Variants in TEAD4 observed in about 807,000 individuals in gnomAD.
The protein encoded by TEAD4 is transcriptional enhancer factor TEF-3.
A neutral mutation model predicts 52.4 loss-of-function variants in TEAD4; 36 were observed. The ratio of observed to expected loss-of-function variants is 0.69; its 90% CI spans 0.53 to 0.91. TEAD4 has a LOEUF of 0.91. TEAD4 is among the 40% of genes least tolerant of loss of function. TEAD4 has a pLI of 0.00. For missense variants in TEAD4, 508 were observed against 583.9 expected, an observed-to-expected ratio of 0.87 and a Z score of 1.34; for synonymous variants, 220 against 231.0, an observed-to-expected ratio of 0.95 and a Z score of 0.43.
At chr12:2,987,926 G>A (rs575096953) in intron 2 of TEAD4, among the ~76,000 whole-genome samples, 17 of 151,370 alleles carry the variant, frequency 1.1e-4, no homozygotes, top group Non-Finnish European at 2.2e-4. Context: ...TTAGCCAGGC[G>A]TGATGGTGGC....
intron 3 of TEAD4, among the ~76,000 whole-genome samples, chr12:3,006,127 C>T (rs1004974689): frequency 1.3e-5 from 2 of 152,150 alleles, no homozygotes; most frequent in African/African-American, 4.8e-5. Flanking sequence ...TATATCATAA[C>T]ATCACTTTGT....
chr12:2,966,385 CTG>C (rs2098220235), intron 2 of TEAD4, among the ~76,000 whole-genome samples: 1 of 151,538 alleles, frequency 6.6e-6, no homozygotes, highest in Non-Finnish European at 1.5e-5. Context: ...CCTGTGTGGC[CTG>C]TGTCTTCTGT....
intron 3 of TEAD4, among the ~76,000 whole-genome samples, chr12:2,997,010 G>A (rs1442365051): frequency 1.3e-5 from 2 of 152,186 alleles, no homozygotes; most frequent in Admixed American, 6.5e-5. Flanking sequence ...GCTTACATAA[G>A]GGAAATTTCC....
intron 2 of TEAD4, among the ~76,000 whole-genome samples, chr12:2,993,836 A>G (rs2098245074): frequency 6.6e-6 from 1 of 152,064 alleles, no homozygotes; most frequent in Admixed American, 6.5e-5. Context: ...GTTGTTTTGT[A>G]ACTGGCGTGT....
chr12:2,963,171 C>T (rs2098217291), intron 2 of TEAD4, among the ~76,000 whole-genome samples: 1 of 152,208 alleles, frequency 6.6e-6, no homozygotes, highest in Non-Finnish European at 1.5e-5. Flanking sequence ...TGAAGGTTCT[C>T]CCTATCTTTT....
chr12:3,032,708 C>T (rs757285102), intron 10 of TEAD4, among the ~76,000 whole-genome samples: 5 of 152,160 alleles, frequency 3.3e-5, no homozygotes, highest in Non-Finnish European at 5.9e-5. Context: ...TGCCTGAGCC[C>T]TCTGAGTGCC....
chr12:3,039,560 T>C (rs7139125), intron 11 of TEAD4, among the ~76,000 whole-genome samples: 92,639 of 152,034 alleles, frequency 0.61, 31,357 homozygotes, highest in East Asian at 0.94. Flanking sequence ...TCATGTACAG[T>C]CAGGATTGAG....
chr12:3,017,732 C>T (rs1289505803), intron 6 of TEAD4, among the ~76,000 whole-genome samples: 2 of 152,170 alleles, frequency 1.3e-5, no homozygotes, highest in Non-Finnish European at 2.9e-5. Flanking sequence ...TTGGGGTCCT[C>T]GGCAATGACT....
intron 2 of TEAD4, among the ~76,000 whole-genome samples, chr12:2,970,038 C>T (rs1396573231): frequency 2.0e-5 from 3 of 152,028 alleles, no homozygotes; most frequent in African/African-American, 7.3e-5. Flanking sequence ...CCAGCCTGGG[C>T]AACATAGCGA....
At chr12:3,030,018 G>A (rs988248863) in intron 10 of TEAD4, among the ~76,000 whole-genome samples, 4 of 152,066 alleles carry the variant, frequency 2.6e-5, no homozygotes, top group Non-Finnish European at 4.4e-5. Flanking sequence ...ATAAAGGGTC[G>A]GGGGTAGGGG....
At chr12:3,006,842 A>G (rs2098256315) in intron 3 of TEAD4, among the ~76,000 whole-genome samples, 1 of 151,892 alleles carries the variant, frequency 6.6e-6, no homozygotes, top group African/African-American at 2.4e-5. Context: ...CCTGGCCAAC[A>G]TGGTAAAACC....
chr12:3,009,344 C>T lies in TEAD4; in HGVS notation c.227-1660C>T, dbSNP rs545009805. Among the ~76,000 whole-genome samples, 6 of 152,328 alleles carry T rather than the reference C, an allele frequency of 3.9e-5. No individual in the cohort carries two copies. In the East Asian group the frequency reaches 5.8e-4, roughly 15 times the overall value. Reference sequence around the variant, plus strand: ...ACTTGGGAGGCTGAGGCAGGAGAATCGCTTGAACCCGGGAGGCGGAGGTTG... The same window carrying T: ...ACTTGGGAGGCTGAGGCAGGAGAATTGCTTGAACCCGGGAGGCGGAGGTTG... On this transcript the variant is annotated intron_variant, in intron 3 of 12. Transcript: ENST00000359864.
intron 2 of TEAD4, among the ~76,000 whole-genome samples, chr12:2,984,132 T>TAA (rs1313629798): frequency 6.6e-6 from 1 of 152,036 alleles, no homozygotes; most frequent in Non-Finnish European, 1.5e-5. Flanking sequence ...GTTTGGGGCT[T>TAA]GGAGGTGGGT....
At chr12:3,034,797 T>A (rs2098278300) in intron 10 of TEAD4, among the ~76,000 whole-genome samples, 1 of 151,840 alleles carries the variant, frequency 6.6e-6, no homozygotes, top group South Asian at 2.1e-4. Flanking sequence ...TTTGAAAATA[T>A]GGAAAATAGT....
At chr12:3,010,190 C>T (rs538718743) in intron 3 of TEAD4, among the ~76,000 whole-genome samples, 2 of 152,272 alleles carry the variant, frequency 1.3e-5, no homozygotes, top group African/African-American at 2.4e-5. Context: ...CCTCTGAACA[C>T]GTCCCTGTCC....
chr12:3,019,916 A>G (rs1431033390), intron 8 of TEAD4, among the ~76,000 whole-genome samples: 2 of 152,048 alleles, frequency 1.3e-5, no homozygotes, highest in Non-Finnish European at 2.9e-5. Flanking sequence ...TTCTGTCCAC[A>G]CTGACCATGT....
chr12:3,025,234 G>A (rs976214048), intron 10 of TEAD4, among the ~76,000 whole-genome samples: 4 of 152,162 alleles, frequency 2.6e-5, no homozygotes, highest in African/African-American at 7.2e-5. Context: ...GAGCCACTGC[G>A]CCCGGCCTGA....
In TEAD4 at chr12:3,014,215, C is replaced by T. The variant is rs560985069; in HGVS notation, c.354+1983C>T. 1.5e-3 allele frequency among the ~76,000 whole-genome samples: 221 copies of T among 152,310 alleles called. 2 individuals carry two copies. The highest frequency in any genetic ancestry group is 5.0e-3 in the African/African-American group (206 of 41,588). ...GCCCTGCTCCCTGTTTCCCCTCTTT[C>T]GTCTGCCTCTGACTCACCGGGACCC... is the stretch of plus-strand genomic sequence containing the variant. On this transcript the variant is annotated intron_variant, in intron 5 of 12. Transcript: ENST00000359864.
At chr12:3,018,972 G>A in intron 7 of TEAD4, 143 bp from the exon 8 acceptor site, 1 of 993,456 alleles carries the variant, frequency 1.0e-6, no homozygotes, top group Non-Finnish European at 1.5e-6. Flanking sequence ...AGTCGGCAGG[G>A]GCGGGAGTAG....
Sources: allele counts gnomAD v4.1 joint callset (sites outside exome capture counted in the v4.1 genomes callset), GRCh38; gene constraint gnomAD v4.1.1; transcripts MANE v1.5; gene names NCBI Gene and HGNC (gene_info 2026-07-23, HGNC 2026-07-21).